DMD: variants seen among roughly 807,000 people sequenced by gnomAD.
DMD encodes the protein dystrophin, also known as mutant dystrophin.
DMD carries 63 observed loss-of-function variants against 330.1 expected under a neutral mutation model. That is an observed-to-expected ratio of 0.19 (90% CI 0.16 to 0.24). DMD has a LOEUF of 0.24. Ranked by LOEUF, DMD falls within the 10% of genes least tolerant of loss-of-function variation. The pLI is 1.00. For missense variants in DMD, 3,344 were observed against 2,684.1 expected (o/e 1.25, Z -5.43); for synonymous variants, 1,223 against 959.8 (o/e 1.27, Z -5.07).
chrX:33,163,616 ATC>A (rs757158749), intron 1 of DMD, among the ~76,000 whole-genome samples: 1 of 10,355 alleles, frequency 9.7e-5, no homozygotes, highest in Non-Finnish European at 1.5e-4. Flanking sequence ...ATCTATATCT[ATC>A]TCTATCTATC....
At chrX:31,583,689 G>C (rs1382583196) in intron 55 of DMD, among the ~76,000 whole-genome samples, 1 of 110,030 alleles carries the variant, frequency 9.1e-6, no homozygotes, top group Non-Finnish European at 1.9e-5. Context: ...GTGCAGGTTT[G>C]TTACATAGGT....
intron 55 of DMD, among the ~76,000 whole-genome samples, chrX:31,545,653 T>C (rs965503991): frequency 8.9e-6 from 1 of 112,000 alleles, no homozygotes; most frequent in African/African-American, 3.2e-5. Flanking sequence ...TAACAAGGAT[T>C]TGTCAGCCTT....
At chrX:32,159,341 A>C (rs2096840873) in intron 44 of DMD, among the ~76,000 whole-genome samples, 1 of 112,042 alleles carries the variant, frequency 8.9e-6, no homozygotes, top group Admixed American at 9.5e-5. Context: ...AGTGGTGCCA[A>C]GGGGTGGATT....
intron 2 of DMD, among the ~76,000 whole-genome samples, chrX:32,949,283 C>T (rs2091038184): frequency 9.3e-6 from 1 of 107,070 alleles, no homozygotes; most frequent in African/African-American, 3.4e-5. Context: ...CACACACACA[C>T]ACACACACGC....
chrX:32,684,020 C>CACACACACACACACATACAT (rs2062656537), intron 9 of DMD, among the ~76,000 whole-genome samples: 1 of 73,562 alleles, frequency 1.4e-5, no homozygotes, highest in African/African-American at 1.1e-4. Context: ...CACATACATA[C>CACACACACACACACATACAT]ACACACACAC....
At chrX:32,263,505 T>C (rs1316180316) in intron 43 of DMD, among the ~76,000 whole-genome samples, 1 of 112,628 alleles carries the variant, frequency 8.9e-6, no homozygotes, top group Admixed American at 9.4e-5. Flanking sequence ...TTTGGTTTTT[T>C]ACTTTGTGAA....
intron 55 of DMD, among the ~76,000 whole-genome samples, chrX:31,544,106 C>T (rs1415630712): frequency 9.0e-6 from 1 of 110,837 alleles, no homozygotes. Flanking sequence ...GGGCGGACCA[C>T]GAGGTCAGGA....
At chrX:32,273,780 AACTC>A (rs2097374530) in intron 43 of DMD, among the ~76,000 whole-genome samples, 1 of 112,369 alleles carries the variant, frequency 8.9e-6, no homozygotes, top group Non-Finnish European at 1.9e-5. Context: ...AAGTAAAGAT[AACTC>A]ACTCAGTAGA....
chrX:32,372,018 A>C (rs2097880551), intron 34 of DMD, among the ~76,000 whole-genome samples: 1 of 111,670 alleles, frequency 9.0e-6, no homozygotes, highest in Admixed American at 9.5e-5. Context: ...TTCTTATGAT[A>C]ATTTGGTATA....
chrX:31,400,188 G>A (rs921956244), intron 60 of DMD, among the ~76,000 whole-genome samples: 3 of 111,361 alleles, frequency 2.7e-5, no homozygotes, highest in Non-Finnish European at 5.7e-5. Context: ...ACTGCTTAGG[G>A]CAAACCTGTC....
intron 2 of DMD, among the ~76,000 whole-genome samples, chrX:33,016,006 G>A (rs1211861261): frequency 2.7e-5 from 3 of 110,817 alleles, no homozygotes; most frequent in East Asian, 5.7e-4. Flanking sequence ...AAGGCTGGAC[G>A]GTAACAAAAG....
intron 49 of DMD, among the ~76,000 whole-genome samples, chrX:31,822,653 G>GGGTGTGTGTGTGTGTGTGTGTGTGTGTGT (rs58903799): frequency 9.1e-5 from 6 of 65,809 alleles, no homozygotes; most frequent in African/African-American, 2.6e-4. Context: ...AAGGCAGAGG[G>GGGTGTGTGTGTGTGTGTGTGTGTGTGTGT]GTGTGTGTGT....
At chrX:31,713,158 T>C (rs1322223536) in intron 52 of DMD, among the ~76,000 whole-genome samples, 2 of 111,984 alleles carry the variant, frequency 1.8e-5, no homozygotes, top group East Asian at 5.6e-4. Context: ...TGTGACTTTG[T>C]GCTTTCTAAT....
chrX:33,327,348 T>C (rs1218582845), intron 1 of DMD, among the ~76,000 whole-genome samples: 1 of 111,575 alleles, frequency 9.0e-6, no homozygotes, highest in East Asian at 2.8e-4. Context: ...GAGAAAGAAA[T>C]ATTTGGAACT....
intron 7 of DMD, among the ~76,000 whole-genome samples, chrX:32,733,248 C>G (rs897609351): frequency 2.7e-5 from 3 of 111,066 alleles, no homozygotes; most frequent in African/African-American, 9.9e-5. Flanking sequence ...CAAAGGAGCA[C>G]CCAGATTCAT....
rs777127237 is a variant in DMD, at chrX:31,698,297, T to C, written c.7661-18711A>G. On this transcript the variant is annotated intron_variant, in intron 52 of 78. Transcript: ENST00000357033. ...ATCCCAATTGCAGTTAAGACAAAGA[T>C]TTCTAAACTATTTGTTGGGATCAGG... 1.3e-4 allele frequency among the ~76,000 whole-genome samples: 15 copies of C among 112,027 alleles called. No homozygotes were observed. In the South Asian group the frequency reaches 5.6e-3, roughly 42 times the overall value.
intron 49 of DMD, among the ~76,000 whole-genome samples, chrX:31,820,970 T>C (rs932482306): frequency 1.8e-5 from 2 of 112,599 alleles, no homozygotes; most frequent in African/African-American, 6.4e-5. Flanking sequence ...AATATAACAG[T>C]AGGCCGTCCT....
chrX:32,298,333 A>G (rs751902952), intron 42 of DMD, among the ~76,000 whole-genome samples: 1 of 110,743 alleles, frequency 9.0e-6, no homozygotes, highest in South Asian at 3.8e-4. Flanking sequence ...GGCCAATTAC[A>G]TGTGTGTTGG....
At chrX:32,317,563 C>A (rs2097587027) in intron 41 of DMD, among the ~76,000 whole-genome samples, 1 of 111,171 alleles carries the variant, frequency 9.0e-6, no homozygotes, top group Admixed American at 9.6e-5. Context: ...ACAAATGGTG[C>A]ATTATGTCTA....
Sources: allele counts gnomAD v4.1 joint callset (sites outside exome capture counted in the v4.1 genomes callset), GRCh38; gene constraint gnomAD v4.1.1; transcripts MANE v1.5; gene names NCBI Gene and HGNC (gene_info 2026-07-23, HGNC 2026-07-21).